The following DNAH9 variants were observed in gnomAD, a reference collection of about 807,000 sequenced individuals.
DNAH9 encodes the protein dynein axonemal heavy chain 9, also known as DNAH9 variant protein.
A neutral mutation model predicts 471.6 loss-of-function variants in DNAH9; 345 were observed. The observed-to-expected ratio is 0.73, with a 90% confidence interval of 0.67 to 0.80. DNAH9 has a LOEUF of 0.80. Among genes scored for constraint, DNAH9 ranks in the 30% least tolerant of loss-of-function variants. DNAH9 has a pLI of 0.00. For synonymous variants in DNAH9, 2,093 were observed against 2,123.6 expected (o/e 0.99, Z 0.40); for missense variants, 5,407 against 5,609.2 (o/e 0.96, Z 1.15).
chr17:11,962,150 T>C lies in DNAH9; in HGVS notation c.13127T>C (p.Leu4376Pro). 2.5e-6 allele frequency: 4 copies of C among 1,614,162 alleles called. No homozygotes were observed. Among genetic ancestry groups the C allele is most frequent in the Non-Finnish European group, 3.4e-6 (4 of 1,180,032 alleles). Residue 4376 changes from leucine (L) to proline (P), a missense_variant, in exon 68 of 69, where the codon CTG becomes CCG. Leu to Pro is a moderately conservative substitution (Grantham distance 98, BLOSUM62 -3). Coordinates refer to ENST00000262442, the MANE Select transcript of DNAH9 (RefSeq NM_001372.4). This position sits in a 1 kb window ranked among gnomAD's most constrained non-coding sequence, Gnocchi z 4.1. ...KNEWPLDQMALQCDMTKKNRE... is the reference protein window; with the variant it reads ...KNEWPLDQMAPQCDMTKKNRE... ...GAGTGGCCACTGGACCAGATGGCCC[T>C]GCAATGTGACATGACGAAGAAGAAC...
chr17:11,703,880 T>C (rs549623072), intron 24 of DNAH9, among the ~76,000 whole-genome samples: 18 of 152,296 alleles, frequency 1.2e-4, no homozygotes, highest in Admixed American at 9.2e-4. Flanking sequence ...GGAAAGTTGC[T>C]ACCTTTGGGA....
chr17:11,606,667 C>A (rs2072515453), intron 1 of DNAH9, among the ~76,000 whole-genome samples: 1 of 151,814 alleles, frequency 6.6e-6, no homozygotes. Context: ...CCAGGATGGT[C>A]TTGATGTCCT....
intron 68 of DNAH9, among the ~76,000 whole-genome samples, chr17:11,966,139 C>G (rs1976695916): frequency 6.6e-6 from 1 of 152,114 alleles, no homozygotes; most frequent in Non-Finnish European, 1.5e-5. Flanking sequence ...CCAAGTAGAA[C>G]AAACTCAGAG....
rs1379389750 is a variant in DNAH9 at position 11,822,781 on chromosome 17, T to G, written c.9013-20T>G. The G allele has an allele frequency of 1.2e-6, 2 of 1,613,054 alleles. No individual in the cohort carries two copies. Among genetic ancestry groups the G allele is most frequent in the East Asian group, 4.5e-5 (2 of 44,874 alleles). ...CTTCAACACAAGATAATCTTTTCAT[T>G]TCTTGCTCTTTGGTTTTAGCCCACA... On this transcript the variant is annotated intron_variant, in intron 47 of 68. Coordinates refer to ENST00000262442, the MANE Select transcript of DNAH9 (RefSeq NM_001372.4).
intron 50 of DNAH9, among the ~76,000 whole-genome samples, chr17:11,867,010 A>G (rs1434311690): frequency 6.6e-6 from 1 of 152,202 alleles, no homozygotes; most frequent in African/African-American, 2.4e-5. Context: ...CAGCTCGCGC[A>G]TGGTGCGCTG....
At chr17:11,768,762 G>T in intron 37 of DNAH9, 136 bp downstream of exon 37, 1 of 1,081,874 alleles carries the variant, frequency 9.2e-7, no homozygotes, top group Non-Finnish European at 1.3e-6. Flanking sequence ...CCATGACTTT[G>T]CAGAGGAGAT....
intron 10 of DNAH9, among the ~76,000 whole-genome samples, chr17:11,643,794 T>G (rs951219246): frequency 1.3e-5 from 2 of 152,224 alleles, no homozygotes; most frequent in African/African-American, 4.8e-5. Context: ...CACTCTATGG[T>G]CCAGTGTATT....
intron 43 of DNAH9, among the ~76,000 whole-genome samples, chr17:11,804,946 C>T (rs926191800): frequency 2.0e-5 from 3 of 151,452 alleles, no homozygotes; most frequent in African/African-American, 4.9e-5. Context: ...ACTCGCTACT[C>T]GGGAGGCTGA....
At chr17:11,888,132 A>G (rs976568778) in intron 57 of DNAH9, among the ~76,000 whole-genome samples, 54 of 151,730 alleles carry the variant, frequency 3.6e-4, no homozygotes, top group South Asian at 8.3e-4. Flanking sequence ...ACAGGTGCCC[A>G]CCACCGCACC....
At chr17:11,621,859 A>G (rs1176144507) in intron 6 of DNAH9, among the ~76,000 whole-genome samples, 1 of 152,124 alleles carries the variant, frequency 6.6e-6, no homozygotes, top group Non-Finnish European at 1.5e-5. Flanking sequence ...AGGCAGGTGG[A>G]TCACAAGGTC....
At chr17:11,749,981 T>A (rs1474255234) in intron 32 of DNAH9, among the ~76,000 whole-genome samples, 1 of 152,188 alleles carries the variant, frequency 6.6e-6, no homozygotes, top group Non-Finnish European at 1.5e-5. Context: ...ATATTAAATA[T>A]AAGCTCAATA....
At chr17:11,703,741 T>G (rs2074644577) in intron 24 of DNAH9, among the ~76,000 whole-genome samples, 1 of 152,206 alleles carries the variant, frequency 6.6e-6, no homozygotes, top group African/African-American at 2.4e-5. Flanking sequence ...GAAAGTATGG[T>G]AGAAGAGCAA....
At chr17:11,828,473 C>CAAAAAAAA (rs56689551) in intron 48 of DNAH9, among the ~76,000 whole-genome samples, 1 of 125,858 alleles carries the variant, frequency 7.9e-6, no homozygotes, top group African/African-American at 3.0e-5. Flanking sequence ...AACTCCGTCT[C>CAAAAAAAA]AAAAAAAAAA....
At chr17:11,712,727 T>C (rs2074894625) in intron 26 of DNAH9, among the ~76,000 whole-genome samples, 1 of 152,166 alleles carries the variant, frequency 6.6e-6, no homozygotes, top group Non-Finnish European at 1.5e-5. Flanking sequence ...TCTTCTTTAG[T>C]GTAATAATTG....
At chr17:11,753,011 A>G (rs1967224820) in intron 33 of DNAH9, 51 bp downstream of exon 33, 1 of 1,455,572 alleles carries the variant, frequency 6.9e-7, no homozygotes, top group South Asian at 1.4e-5. Flanking sequence ...CTGTGAAACC[A>G]GTCACCCAGT....
Position 11,719,517 on chromosome 17 carries a change from G to C in DNAH9, c.5709+27G>C, listed in dbSNP as rs201285229. On this transcript the variant is annotated intron_variant, in intron 27 of 68. Transcript: ENST00000262442. ...TACAGTTCCACCCGGCTTCCTGGGG[G>C]TGGGGGTGGGGGATAGGAACTCAGG... 1.3e-5 allele frequency: 20 copies of C among 1,590,140 alleles called. No homozygotes were observed. The South Asian group carries it at 2.1e-4, about 17-fold the overall frequency.
At chr17:11,657,521 A>G (rs1357065725) in intron 14 of DNAH9, among the ~76,000 whole-genome samples, 1 of 151,984 alleles carries the variant, frequency 6.6e-6, no homozygotes, top group Non-Finnish European at 1.5e-5. Flanking sequence ...TCTTATTGAT[A>G]TATGTTGATG....
In DNAH9 at chr17:11,619,782, G is replaced by A. The variant is rs897720300; in HGVS notation, c.1350+1G>A. On this transcript the variant is annotated splice_donor_variant, in intron 6 of 68. Coordinates refer to ENST00000262442, the MANE Select transcript of DNAH9 (RefSeq NM_001372.4). LOFTEE classifies it high-confidence loss of function. ...CCTGGGACAACTGCACGTGGTGGAG[G>A]TGAGTGCGCACCTCACCTCAGGCTG... is the stretch of plus-strand genomic sequence containing the variant. 6.4e-7 allele frequency: 1 copy of A among 1,572,834 alleles called. No individual in the cohort carries two copies. The highest frequency in any genetic ancestry group is 1.3e-5 in the African/African-American group (1 of 74,216).
At chr17:11,861,281 G>A (rs1313810058) in intron 50 of DNAH9, among the ~76,000 whole-genome samples, 1 of 151,638 alleles carries the variant, frequency 6.6e-6, no homozygotes, top group Non-Finnish European at 1.5e-5. Flanking sequence ...GCGGTGTTTG[G>A]TTTTTTTCTT....
Sources: allele counts gnomAD v4.1 joint callset (sites outside exome capture counted in the v4.1 genomes callset), GRCh38; gene constraint gnomAD v4.1.1; non-coding constraint Gnocchi (gnomAD v3.1); transcripts MANE v1.5; gene names NCBI Gene and HGNC (gene_info 2026-07-23, HGNC 2026-07-21).